Variants in NT5C1A observed in about 807,000 individuals in gnomAD.
NT5C1A encodes the protein cytosolic 5'-nucleotidase 1A.
NT5C1A carries 18 observed loss-of-function variants against 31.0 expected under a neutral mutation model. That is an observed-to-expected ratio of 0.58 (90% CI 0.40 to 0.86). The LOEUF (loss-of-function observed/expected upper bound fraction) is 0.86, where lower values mean the gene tolerates loss of function less well. NT5C1A is among the 40% of genes least tolerant of loss of function. NT5C1A has a pLI of 0.00. For synonymous variants in NT5C1A, 185 were observed against 203.6 expected (o/e 0.91, Z 0.78); for missense variants, 470 against 505.4 (o/e 0.93, Z 0.67).
In NT5C1A at chr1:39,671,894, T is replaced by C. The variant is rs766446439; in HGVS notation, c.135+10A>G. 1.9e-6 allele frequency: 3 copies of C among 1,612,994 alleles called. No homozygotes were observed. The highest frequency in any genetic ancestry group is 2.5e-6 in the Non-Finnish European group (3 of 1,179,710). On this transcript the variant is annotated intron_variant, in intron 1 of 5. Coordinates refer to ENST00000235628, the MANE Select transcript of NT5C1A (RefSeq NM_032526.3). ...CCCCCGTCCCCCGCATACCCGTGCATTGCTTTTACCGATTTGGGTTTCTTC... is the reference window on the plus strand; with the variant it reads ...CCCCCGTCCCCCGCATACCCGTGCACTGCTTTTACCGATTTGGGTTTCTTC...
chr1:39,663,361 G>T lies in NT5C1A; in HGVS notation c.507C>A (p.Asn169Lys). The T allele has an allele frequency of 6.2e-7, 1 of 1,614,142 alleles. No individual in the cohort carries two copies. The highest frequency in any genetic ancestry group is 8.5e-7 in the Non-Finnish European group (1 of 1,180,024). ...TTTCCGCATCGGCTGACAAGTAGAG[G>T]TTGGTGTGATAGGCCTTGAGGTAGC... ...PICYLKAYHT[N>K]LYLSADAEKV... The change falls in exon 4 of 6, where the codon AAC (asparagine) becomes AAA (lysine). Residue 169 changes from asparagine (N) to lysine (K), a missense_variant. Asn to Lys is a moderately conservative substitution (Grantham distance 94, BLOSUM62 0). Transcript: ENST00000235628.
intron 5 of NT5C1A, 94 bp from the exon 6 acceptor site, chr1:39,659,580 G>A: frequency 1.4e-6 from 2 of 1,451,400 alleles, no homozygotes; most frequent in East Asian, 2.3e-5. Flanking sequence ...GTTTGGTGTG[G>A]AAAACTTCAG....
Position 39,659,236 on chromosome 1 carries a change from A to G in NT5C1A, c.992T>C (p.Met331Thr), listed in dbSNP as rs1255948934. Residue 331 changes from methionine (M) to threonine (T), a missense_variant, in exon 6 of 6, where the codon ATG becomes ACG. Physicochemically the swap from Met to Thr is moderately conservative, Grantham distance 81 (BLOSUM62 -1). Coordinates refer to ENST00000235628, the MANE Select transcript of NT5C1A (RefSeq NM_032526.3). ...CTCCTGAGCCCCAGCCACATGGAAC[A>G]TCTGGTCATCAAAGAAGATGTGTGG... ...IRPHIFFDDQ[M>T]FHVAGAQEMG... 6.2e-7 allele frequency: 1 copy of G among 1,614,028 alleles called. No homozygotes were observed. Among genetic ancestry groups the G allele is most frequent in the East Asian group, 2.2e-5 (1 of 44,896 alleles).
Position 39,658,660 on chromosome 1 carries a change from A to G in NT5C1A, c.*461T>C, listed in dbSNP as rs1005622748. 6.6e-6 allele frequency among the ~76,000 whole-genome samples: 1 copy of G among 152,194 alleles called. No homozygotes were observed. The highest frequency in any genetic ancestry group is 1.5e-5 in the Non-Finnish European group (1 of 68,026). On this transcript the variant is annotated 3_prime_UTR_variant, in exon 6 of 6. Transcript: ENST00000235628. ...TTCTTTGGCTAAAAGGGAGCTTGAA[A>G]ACTGCCCAAAAGATGGGGAAACTGG... is the stretch of plus-strand genomic sequence containing the variant.
Position 39,665,628 on chromosome 1 carries a change from C to A in NT5C1A, c.326G>T (p.Arg109Leu). Residue 109 changes from arginine (R) to leucine (L), a missense_variant, in exon 3 of 6, where the codon CGG (arginine) becomes CTG (leucine). Arg to Leu is a moderately radical substitution (Grantham distance 102). Transcript: ENST00000235628. ...FVKALEAVNR[R>L]LRELYPDSED... is the part of the protein sequence containing the mutation. ...ACTATCAGGGTACAGCTCCCGCAGC[C>A]GCCTGTTCACGGCCTCCAGAGCCTG... The A allele has an allele frequency of 6.2e-7, 1 of 1,613,264 alleles. No individual in the cohort carries two copies. Among genetic ancestry groups the A allele is most frequent in the Admixed American group, 1.7e-5 (1 of 60,014 alleles).
rs1179644865 is a variant in NT5C1A, at chr1:39,651,997, C to T, written c.*7124G>A. On this transcript the variant is annotated 3_prime_UTR_variant, in exon 6 of 6. Coordinates refer to ENST00000235628, the MANE Select transcript of NT5C1A (RefSeq NM_032526.3). ...AGTGAGCCAAGATTGTGCCACTGCA[C>T]TCCAGCCTGAGTGACAGAGCAAGAC... Among the ~76,000 whole-genome samples the T allele has an allele frequency of 8.3e-6, 1 of 121,086 alleles. No homozygotes were observed. The highest frequency in any genetic ancestry group is 3.2e-5 in the African/African-American group (1 of 31,702). The allele number at this position is 121,086 out of a possible 152,430, so 79.4% of individuals were successfully genotyped here.
rs78322050 is a variant in NT5C1A at position 39,660,359 on chromosome 1, G to A, written c.741+720C>T. 0.013 allele frequency among the ~76,000 whole-genome samples: 2,040 copies of A among 152,334 alleles called. 89 individuals carry two copies. In the East Asian group the frequency reaches 0.15, roughly 12 times the overall value. On this transcript the variant is annotated intron_variant, in intron 5 of 5. Coordinates refer to ENST00000235628, the MANE Select transcript of NT5C1A (RefSeq NM_032526.3). ...AGCTCAAATAAGAGCTCCCAGCAGA[G>A]CTGGAGAATCCCAACAGCCCCAACT...
Position 39,672,096 on chromosome 1 carries a change from T to A in NT5C1A, c.-58A>T. 1 of 1,301,404 alleles carries A rather than the reference T, an allele frequency of 7.7e-7. No individual in the cohort carries two copies. Among genetic ancestry groups the A allele is most frequent in the South Asian group, 1.4e-5 (1 of 72,624 alleles). 80.6% of individuals were successfully genotyped at this position (1,301,404 alleles called of 1,614,324 possible). A position where few individuals can be genotyped will look rare whatever the true frequency, so the allele number is the denominator to read the frequency against. ...GCGGCGGCGTAGACGCGGAGGTGGC[T>A]GGGGCTGGGCTGCAGGAGGGAGGCG... On this transcript the variant is annotated 5_prime_UTR_variant, in exon 1 of 6. Coordinates refer to ENST00000235628, the MANE Select transcript of NT5C1A (RefSeq NM_032526.3).
intron 3 of NT5C1A, among the ~76,000 whole-genome samples, chr1:39,664,845 G>T (rs1005397571): frequency 6.6e-6 from 1 of 151,542 alleles, no homozygotes; most frequent in Non-Finnish European, 1.5e-5. Flanking sequence ...AATTTCAGGG[G>T]AGAGAGGAAA....
Position 39,659,419 on chromosome 1 carries a change from C to G in NT5C1A, c.809G>C (p.Arg270Pro). ...GTAGGTACGAATTGGGCACTCCAGCCGCAGGCCTTTGGAGTAGAACTTCTT... is the reference window on the plus strand; with the variant it reads ...GTAGGTACGAATTGGGCACTCCAGCGGCAGGCCTTTGGAGTAGAACTTCTT... ...LQKKFYSKGL[R>P]LECPIRTYLV... The change falls in exon 6 of 6, where the codon CGG becomes CCG. Residue 270 changes from arginine to proline, a missense_variant. Coordinates refer to ENST00000235628, the MANE Select transcript of NT5C1A (RefSeq NM_032526.3). 16 of 1,612,776 alleles carry G rather than the reference C, an allele frequency of 9.9e-6. No homozygotes were observed. Among genetic ancestry groups the G allele is most frequent in the Non-Finnish European group, 1.4e-5 (16 of 1,179,404 alleles).
At chr1:39,663,658 C>G (rs948615794) in intron 3 of NT5C1A, among the ~76,000 whole-genome samples, 6 of 152,184 alleles carry the variant, frequency 3.9e-5, no homozygotes, top group Non-Finnish European at 8.8e-5. Context: ...GGGACATCCT[C>G]TTGTCAAGGA....
In NT5C1A at chr1:39,652,030, C is replaced by CAAAAAAAAAA. The variant is rs61024293; in HGVS notation, c.*7081_*7090dup. On this transcript the variant is annotated 3_prime_UTR_variant, in exon 6 of 6. Transcript: ENST00000235628. Reference sequence around the variant, plus strand: ...TGAGTGACAGAGCAAGACTCCGTCTCAAAAAAAAAAAAAAAAAAAAAAAAA... The same window carrying CAAAAAAAAAA: ...TGAGTGACAGAGCAAGACTCCGTCTCAAAAAAAAAAAAAAAAAAAAAAAAAAAAAAAAAAA... Among the ~76,000 whole-genome samples, 15 of 37,854 alleles carry CAAAAAAAAAA rather than the reference C, an allele frequency of 4.0e-4. 3 individuals carry two copies. The highest frequency in any genetic ancestry group is 2.9e-3 in the East Asian group (2 of 692). The allele number at this position is 37,854 out of a possible 152,430, so 24.8% of individuals were successfully genotyped here. A position where few individuals can be genotyped will look rare whatever the true frequency, so the allele number is the denominator to read the frequency against.
intron 4 of NT5C1A, among the ~76,000 whole-genome samples, chr1:39,661,970 C>A (rs544688086): frequency 6.6e-6 from 1 of 152,312 alleles, no homozygotes; most frequent in Non-Finnish European, 1.5e-5. Context: ...TGGGAGACAG[C>A]ACAAGTGATG....
At chr1:39,670,108 C>CATTT (rs545466311) in intron 1 of NT5C1A, among the ~76,000 whole-genome samples, 12 of 152,188 alleles carry the variant, frequency 7.9e-5, no homozygotes, top group Middle Eastern at 3.4e-3. Context: ...AAATGCATTA[C>CATTT]ATTTATTTAT....
At position 39,657,714 on chromosome 1, in the gene NT5C1A, C is replaced by T. The variant is rs1055471566; in HGVS notation, c.*1407G>A. Among the ~76,000 whole-genome samples, 1 of 152,208 alleles carries T rather than the reference C, an allele frequency of 6.6e-6. No individual in the cohort carries two copies. The highest frequency in any genetic ancestry group is 1.5e-5 in the Non-Finnish European group (1 of 68,036). On this transcript the variant is annotated 3_prime_UTR_variant, in exon 6 of 6. Coordinates refer to ENST00000235628, the MANE Select transcript of NT5C1A (RefSeq NM_032526.3). ...GGCTCTTGCAAATGTGGAGGATCCG[C>T]TGATGCATTTCATGGGGAGGTTATC...
At chr1:39,666,405 T>C (rs565461856) in intron 1 of NT5C1A, among the ~76,000 whole-genome samples, 169 bp from the exon 2 acceptor site, 3 of 152,342 alleles carry the variant, frequency 2.0e-5, no homozygotes, top group South Asian at 4.1e-4. Context: ...ACCCCATCTA[T>C]GACGGACCCA....
rs1257903771 is a variant in NT5C1A at position 39,659,188 on chromosome 1, A to T, written c.1040T>A (p.Val347Glu). The part of the protein sequence containing the change: ...AQEMGTVAAH[V>E]PYGVAQTPRR... ...GGGTGTCTGTGCCACACCATAAGGC[A>T]CATGGGCGGCCACAGTGCCCATCTC... Residue 347 changes from valine (V) to glutamate (E), a missense_variant, in exon 6 of 6, where the codon GTG becomes GAG. Physicochemically the swap from Val to Glu is moderately radical, Grantham distance 121 (BLOSUM62 -2). Coordinates refer to ENST00000235628, the MANE Select transcript of NT5C1A (RefSeq NM_032526.3). The T allele has an allele frequency of 4.3e-6, 7 of 1,614,060 alleles. No individual in the cohort carries two copies. The highest frequency in any genetic ancestry group is 5.9e-6 in the Non-Finnish European group (7 of 1,180,038).
At chr1:39,660,786 C>A (rs1646489162) in intron 5 of NT5C1A, among the ~76,000 whole-genome samples, 1 of 151,792 alleles carries the variant, frequency 6.6e-6, no homozygotes, top group South Asian at 2.1e-4. Context: ...GGAAAGGAGA[C>A]CTCAGAAATG....
rs1366709216 is a variant in NT5C1A, at chr1:39,665,510, C to T, written c.433+11G>A. On this transcript the variant is annotated intron_variant, in intron 3 of 5. Coordinates refer to ENST00000235628, the MANE Select transcript of NT5C1A (RefSeq NM_032526.3). ...CCAGGGCAAACCCCCCATCCTCATGCTCATGCTCACCATAGTGGTTGATAC... is the reference window on the plus strand; with the variant it reads ...CCAGGGCAAACCCCCCATCCTCATGTTCATGCTCACCATAGTGGTTGATAC... 5 of 1,607,584 alleles carry T rather than the reference C, an allele frequency of 3.1e-6. No individual in the cohort carries two copies. The highest frequency in any genetic ancestry group is 4.2e-6 in the Non-Finnish European group (5 of 1,177,172).
Sources: gnomAD v4.1 joint callset for allele counts (sites outside exome capture counted in the v4.1 genomes callset) on GRCh38, gnomAD v4.1.1 for gene constraint, MANE v1.5 for transcripts, NCBI Gene and HGNC (gene_info 2026-07-23, HGNC 2026-07-21) for gene names.